Variants in ZNF143 observed in about 807,000 individuals in gnomAD.
ZNF143 encodes zinc finger protein 143, also known as SPH-binding factor.
In ZNF143, 49 loss-of-function variants were observed where a neutral mutation model predicts 74.1. The observed-to-expected ratio is 0.66, with a 90% CI of 0.53 to 0.84. The LOEUF is 0.84. ZNF143 is among the 40% of genes least tolerant of loss of function. ZNF143 has a pLI of 0.00. For missense variants in ZNF143, 637 were observed against 793.4 expected (o/e 0.80, Z 2.37); for synonymous variants, 304 against 282.8 (o/e 1.07, Z -0.75).
chr11:9,498,915 T>C (rs972256204), intron 10 of ZNF143, among the ~76,000 whole-genome samples: 1 of 152,200 alleles, frequency 6.6e-6, no homozygotes, highest in East Asian at 1.9e-4. Context: ...CTTTACAACA[T>C]TGAGGAACAG....
In ZNF143 at chr11:9,494,190, C is replaced by T. The variant is rs115840233; in HGVS notation, c.646-456C>T. ...AACCATGCAATGGAATTAACCTGAC[C>T]GACTCAGGCTGAAAGAGTCCTAATA... is the stretch of plus-strand genomic sequence containing the variant. On this transcript the variant is annotated intron_variant, in intron 7 of 15. Transcript: ENST00000396602. Among the ~76,000 whole-genome samples, 1,106 of 152,222 alleles carry T rather than the reference C, an allele frequency of 7.3e-3. 14 individuals are homozygous for T. The highest frequency in any genetic ancestry group is 0.025 in the African/African-American group (1,046 of 41,534).
At chr11:9,491,746 C>T (rs1260118045) in intron 7 of ZNF143, among the ~76,000 whole-genome samples, 1 of 152,148 alleles carries the variant, frequency 6.6e-6, no homozygotes, top group Non-Finnish European at 1.5e-5. Context: ...CCTCTCACCT[C>T]AGTCCTCTGA....
At chr11:9,482,255 C>T (rs1459296554) in intron 7 of ZNF143, among the ~76,000 whole-genome samples, 1 of 140,394 alleles carries the variant, frequency 7.1e-6, no homozygotes, top group African/African-American at 2.7e-5. Context: ...CAGGCGTGAG[C>T]TACTGTACCC....
chr11:9,522,603 C>T (rs545461987), intron 14 of ZNF143, among the ~76,000 whole-genome samples: 1 of 152,222 alleles, frequency 6.6e-6, no homozygotes, highest in Admixed American at 6.5e-5. Context: ...AAGCGATTCT[C>T]CTGCCTCAGC....
In ZNF143 at chr11:9,484,495, G is replaced by A. The variant is rs565326575; in HGVS notation, c.645+4949G>A. 1.5e-4 allele frequency among the ~76,000 whole-genome samples: 22 copies of A among 151,278 alleles called. 2 individuals are homozygous for A. The highest frequency in any genetic ancestry group is 5.4e-4 in the African/African-American group (22 of 40,744). On this transcript the variant is annotated intron_variant, in intron 7 of 15. Transcript: ENST00000396602. The stretch of plus-strand genomic sequence containing the variant: ...CTCCCAAAGTGCTGGGATTTCAGGC[G>A]TGAGTCACCGTGCCCAGCCTGAACC...
At chr11:9,518,819 A>G (rs1848813218) in intron 14 of ZNF143, among the ~76,000 whole-genome samples, 1 of 152,008 alleles carries the variant, frequency 6.6e-6, no homozygotes, top group Admixed American at 6.6e-5. Context: ...TTGCCAAATT[A>G]TTTTTCAGAA....
chr11:9,474,241 G>GT (rs572497666), intron 4 of ZNF143, among the ~76,000 whole-genome samples: 2 of 152,178 alleles, frequency 1.3e-5, no homozygotes, highest in Non-Finnish European at 2.9e-5. Flanking sequence ...AGATAAATGA[G>GT]TAACAGTCCT....
intron 3 of ZNF143, chr11:9,473,670 C>A (rs1433716479): frequency 1.1e-5 from 10 of 899,350 alleles, no homozygotes; most frequent in African/African-American, 8.4e-5. Flanking sequence ...TAAAGCAGTC[C>A]AACTCATGTA....
At chr11:9,479,603 G>A in intron 7 of ZNF143, 57 bp downstream of exon 7, 3 of 1,435,148 alleles carry the variant, frequency 2.1e-6, no homozygotes, top group East Asian at 2.3e-5. Flanking sequence ...GTGCCCTTCT[G>A]TGGATGAAAG....
intron 2 of ZNF143, among the ~76,000 whole-genome samples, chr11:9,471,740 C>T (rs748731263): frequency 3.3e-5 from 5 of 151,584 alleles, no homozygotes; most frequent in Non-Finnish European, 5.9e-5. Flanking sequence ...TTAGTAGAGA[C>T]GGGGTTTCAC....
intron 5 of ZNF143, among the ~76,000 whole-genome samples, chr11:9,474,887 T>C (rs984688040): frequency 2.6e-5 from 4 of 152,214 alleles, no homozygotes; most frequent in Non-Finnish European, 4.4e-5. Flanking sequence ...TTTTGTTTTT[T>C]TGGTTGGCTT....
intron 15 of ZNF143, among the ~76,000 whole-genome samples, chr11:9,526,856 G>A (rs1038276983): frequency 5.3e-5 from 8 of 152,198 alleles, no homozygotes; most frequent in East Asian, 1.9e-4. Context: ...ACGGAGTCTC[G>A]CTCTGTCACC....
At chr11:9,486,412 A>AATATATATAAT (rs112739510) in intron 7 of ZNF143, among the ~76,000 whole-genome samples, 1 of 19,326 alleles carries the variant, frequency 5.2e-5, no homozygotes, top group African/African-American at 1.8e-4. Context: ...TTATATATAT[A>AATATATATAAT]ATATATATTA....
intron 7 of ZNF143, 139 bp downstream of exon 7, chr11:9,479,685 G>T (rs1265028037): frequency 2.8e-5 from 17 of 602,474 alleles, no homozygotes; most frequent in Non-Finnish European, 4.2e-5. Context: ...GTATTGGGCA[G>T]CAGCTTTCTC....
intron 4 of ZNF143, 62 bp downstream of exon 4, chr11:9,474,086 C>T: frequency 7.8e-7 from 1 of 1,285,668 alleles, no homozygotes; most frequent in Non-Finnish European, 1.1e-6. Flanking sequence ...GTATTTGCTA[C>T]CTGCAGCTCC....
chr11:9,462,062 C>T (rs890193546), intron 1 of ZNF143: 1 of 152,060 alleles, frequency 6.6e-6, no homozygotes, highest in African/African-American at 2.4e-5. Context: ...AATGTTTTTT[C>T]TTGCTGAGTA....
At chr11:9,509,687 C>A (rs562290727) in intron 12 of ZNF143, among the ~76,000 whole-genome samples, 15 of 152,250 alleles carry the variant, frequency 9.9e-5, no homozygotes, top group African/African-American at 3.6e-4. Context: ...AGGGAAAGAA[C>A]AGATCATCTG....
intron 1 of ZNF143, among the ~76,000 whole-genome samples, chr11:9,469,005 G>A (rs1259405622): frequency 2.7e-5 from 4 of 150,904 alleles, no homozygotes; most frequent in African/African-American, 4.9e-5. Context: ...GTGGTGGCAC[G>A]TACCTGTAAT....
At chr11:9,513,443 G>A (rs1251270477) in intron 13 of ZNF143, among the ~76,000 whole-genome samples, 2 of 152,180 alleles carry the variant, frequency 1.3e-5, no homozygotes, top group Non-Finnish European at 2.9e-5. Flanking sequence ...TTCTGCATCA[G>A]CCTTAACACT....
Sources: gnomAD v4.1 joint callset for allele counts (sites outside exome capture counted in the v4.1 genomes callset) on GRCh38, gnomAD v4.1.1 for gene constraint, MANE v1.5 for transcripts, NCBI Gene and HGNC (gene_info 2026-07-23, HGNC 2026-07-21) for gene names.